The following HACE1 variants were observed in gnomAD, a reference collection of about 807,000 sequenced individuals.
HACE1 encodes HECT domain and ankyrin repeat containing E3 ubiquitin protein ligase 1.
Under a neutral mutation model 118.4 loss-of-function variants are expected in HACE1, and 73 were observed. The ratio of observed to expected loss-of-function variants is 0.62; its 90% CI spans 0.51 to 0.75. The LOEUF (loss-of-function observed/expected upper bound fraction) is 0.75. Ranked by LOEUF, HACE1 falls within the 30% of genes least tolerant of loss-of-function variation. The probability of loss-of-function intolerance (pLI) is 0.00; values close to 1 mark genes in which losing one functional copy is unlikely to be tolerated. For missense variants in HACE1, 749 were observed against 1,102.2 expected (o/e 0.68, Z 4.54); for synonymous variants, 368 against 374.8 (o/e 0.98, Z 0.21).
intron 22 of HACE1, among the ~76,000 whole-genome samples, chr6:104,736,082 TTTC>T (rs1775794473): frequency 6.6e-6 from 1 of 151,804 alleles, no homozygotes; most frequent in Non-Finnish European, 1.5e-5. Context: ...AGTGGTTTTT[TTTC>T]TCCTATCTGA....
chr6:104,824,008 G>A (rs1773056833), intron 6 of HACE1, among the ~76,000 whole-genome samples: 1 of 152,174 alleles, frequency 6.6e-6, no homozygotes, highest in Non-Finnish European at 1.5e-5. Flanking sequence ...TTAGCAGACT[G>A]CACAGTGATG....
chr6:104,729,449 C>A lies in HACE1; in HGVS notation c.*213G>T, dbSNP rs1774970543. The A allele has an allele frequency of 1.8e-6, 1 of 561,914 alleles. No individual in the cohort carries two copies. The highest frequency in any genetic ancestry group is 3.2e-6 in the Non-Finnish European group (1 of 315,878). 34.8% of individuals were successfully genotyped at this position (561,914 alleles called of 1,614,324 possible). A position where few individuals can be genotyped will look rare whatever the true frequency, so the allele number is the denominator to read the frequency against. On this transcript the variant is annotated 3_prime_UTR_variant, in exon 24 of 24. Transcript: ENST00000262903. The stretch of plus-strand genomic sequence containing the variant: ...CAGTTAGCATTTTAAAAAATAAAAT[C>A]TACTGTGATTTTATATTTTCTAATT...
At chr6:104,790,119 T>C (rs1262864115) in intron 11 of HACE1, among the ~76,000 whole-genome samples, 4 of 150,668 alleles carry the variant, frequency 2.7e-5, no homozygotes, top group Admixed American at 2.6e-4. Flanking sequence ...CACACACACA[T>C]ACATATATGG....
At chr6:104,730,180 C>T in intron 23 of HACE1, 123 bp downstream of exon 23, 1 of 701,726 alleles carries the variant, frequency 1.4e-6, no homozygotes, top group South Asian at 1.5e-5. Context: ...TCAGTGATTC[C>T]AAAATCCTGG....
At chr6:104,857,715 T>C (rs1776868934) in intron 1 of HACE1, among the ~76,000 whole-genome samples, 1 of 150,834 alleles carries the variant, frequency 6.6e-6, no homozygotes, top group Non-Finnish European at 1.5e-5. Context: ...CCCAGCACTT[T>C]GGGAGGCCGA....
At chr6:104,735,770 C>T (rs1775762998) in intron 22 of HACE1, among the ~76,000 whole-genome samples, 1 of 152,130 alleles carries the variant, frequency 6.6e-6, no homozygotes, top group East Asian at 1.9e-4. Context: ...TTCTCATACA[C>T]AAAAATATCC....
intron 12 of HACE1, among the ~76,000 whole-genome samples, 154 bp from the exon 13 acceptor site, chr6:104,784,639 T>G (rs1461867844): frequency 6.6e-6 from 1 of 152,092 alleles, no homozygotes; most frequent in Non-Finnish European, 1.5e-5. Flanking sequence ...GAAACTGAAG[T>G]ATGCCTAGCC....
chr6:104,847,629 C>T (rs1465378697), intron 4 of HACE1, among the ~76,000 whole-genome samples: 3 of 152,012 alleles, frequency 2.0e-5, no homozygotes, highest in Non-Finnish European at 4.4e-5. Flanking sequence ...TCTTTATACG[C>T]AAAAATTTGG....
At chr6:104,763,183 C>A (rs59862045) in intron 19 of HACE1, among the ~76,000 whole-genome samples, 5,124 of 151,778 alleles carry the variant, frequency 0.034, 272 homozygotes, top group African/African-American at 0.12. Context: ...CAGGAAGATA[C>A]CAAAAAGATC....
chr6:104,781,843 C>T (rs1159651441), intron 14 of HACE1, among the ~76,000 whole-genome samples: 1 of 152,136 alleles, frequency 6.6e-6, no homozygotes, highest in Non-Finnish European at 1.5e-5. Flanking sequence ...CACTAGGCCA[C>T]CACTACACAT....
intron 4 of HACE1, 61 bp downstream of exon 4, chr6:104,849,081 G>T: frequency 1.1e-6 from 1 of 932,540 alleles, no homozygotes; most frequent in South Asian, 1.3e-5. Context: ...TCAAACGAAG[G>T]CAAAGTGCCT....
chr6:104,798,065 T>A (rs1769876960), intron 7 of HACE1, among the ~76,000 whole-genome samples: 1 of 93,102 alleles, frequency 1.1e-5, no homozygotes, highest in South Asian at 3.2e-4. Flanking sequence ...CAAAACCCCG[T>A]CTCGAAAAAA....
chr6:104,819,155 C>A (rs1452266476), intron 6 of HACE1, among the ~76,000 whole-genome samples: 2 of 152,182 alleles, frequency 1.3e-5, no homozygotes, highest in African/African-American at 4.8e-5. Flanking sequence ...AGTCTCAGCC[C>A]AAAAGCTTCT....
chr6:104,745,000 T>C (rs1777247093), intron 20 of HACE1, among the ~76,000 whole-genome samples: 1 of 152,204 alleles, frequency 6.6e-6, no homozygotes. Flanking sequence ...ATTCTCAACA[T>C]GAAAGTGACA....
intron 19 of HACE1, among the ~76,000 whole-genome samples, chr6:104,753,126 A>G (rs904058175): frequency 6.6e-6 from 1 of 152,228 alleles, no homozygotes; most frequent in Non-Finnish European, 1.5e-5. Flanking sequence ...TATTATCTTG[A>G]CAATACAAAT....
chr6:104,859,663 T>TC lies in HACE1; in HGVS notation c.-22dup, dbSNP rs1283242215. On this transcript the variant is annotated 5_prime_UTR_variant, in exon 1 of 24. Transcript: ENST00000262903. ...TCCATCCTCGGCGCGCCCTCCGCGA[T>TC]CCTCCGCGATCAGCCGCCCCACCGG... The TC allele has an allele frequency of 6.5e-7, 1 of 1,526,900 alleles. No homozygotes were observed. The highest frequency in any genetic ancestry group is 2.5e-5 in the East Asian group (1 of 39,578). 94.6% of individuals were successfully genotyped at this position (1,526,900 alleles called of 1,614,324 possible). A position where few individuals can be genotyped will look rare whatever the true frequency, so the allele number is the denominator to read the frequency against.
chr6:104,809,469 A>C lies in HACE1; in HGVS notation c.617+1842T>G, dbSNP rs1402121866. ...AATACCATGTAGAAAAGCCTGCTGA[A>C]AGAGTTGGTTGCATTTAAGGAACGC... is the stretch of plus-strand genomic sequence containing the variant. On this transcript the variant is annotated intron_variant, in intron 7 of 23. Coordinates refer to ENST00000262903, the MANE Select transcript of HACE1 (RefSeq NM_020771.4). 2.0e-5 allele frequency among the ~76,000 whole-genome samples: 3 copies of C among 152,232 alleles called. No homozygotes were observed. In the East Asian group the frequency reaches 5.8e-4, roughly 29 times the overall value.
chr6:104,834,862 C>T (rs1774369718), intron 5 of HACE1, among the ~76,000 whole-genome samples: 1 of 152,218 alleles, frequency 6.6e-6, no homozygotes, highest in Non-Finnish European at 1.5e-5. Flanking sequence ...TTTAGAGCCT[C>T]ATATCTCTAC....
intron 3 of HACE1, among the ~76,000 whole-genome samples, chr6:104,849,544 T>C (rs1033778389): frequency 6.7e-6 from 1 of 150,266 alleles, no homozygotes; most frequent in Non-Finnish European, 1.5e-5. Flanking sequence ...GACCTCATTA[T>C]GTTGCCCAGG....
Sources: gnomAD v4.1 joint callset for allele counts (sites outside exome capture counted in the v4.1 genomes callset) on GRCh38, gnomAD v4.1.1 for gene constraint, MANE v1.5 for transcripts, NCBI Gene and HGNC (gene_info 2026-07-23, HGNC 2026-07-21) for gene names.